RPS6KA2: variants seen among roughly 807,000 people sequenced by gnomAD.
RPS6KA2 encodes the protein ribosomal protein S6 kinase A2, also known as ribosomal protein S6 kinase alpha-2.
Under a neutral mutation model 91.8 loss-of-function variants are expected in RPS6KA2, and 42 were observed. The ratio of observed to expected loss-of-function variants is 0.46; its 90% CI spans 0.36 to 0.59. The LOEUF (loss-of-function observed/expected upper bound fraction) is 0.59. Ranked by LOEUF, RPS6KA2 falls within the 20% of genes least tolerant of loss-of-function variation. The pLI is 0.00. For missense variants in RPS6KA2, 798 were observed against 978.5 expected, an observed-to-expected ratio of 0.82 and a Z score of 2.46; for synonymous variants, 414 against 393.6, an observed-to-expected ratio of 1.05 and a Z score of -0.61.
At chr6:166,774,440 G>A (rs912772879) in intron 2 of RPS6KA2, among the ~76,000 whole-genome samples, 2 of 152,138 alleles carry the variant, frequency 1.3e-5, no homozygotes, top group Admixed American at 6.5e-5. Context: ...TTTACCCAGC[G>A]AGCGTCCCGG....
At chr6:166,845,976 GA>G (rs1291152467) in intron 2 of RPS6KA2, among the ~76,000 whole-genome samples, 7 of 151,638 alleles carry the variant, frequency 4.6e-5, no homozygotes, top group Non-Finnish European at 1.0e-4. Context: ...GATTAACCAA[GA>G]AAAAAAGAGA....
intron 2 of RPS6KA2, among the ~76,000 whole-genome samples, chr6:166,710,817 T>C (rs1300303016): frequency 6.6e-6 from 1 of 152,134 alleles, no homozygotes; most frequent in African/African-American, 2.4e-5. Context: ...CTTTGCCTCA[T>C]GTGTACTAGA....
At chr6:166,844,774 C>T (rs889228381) in intron 2 of RPS6KA2, among the ~76,000 whole-genome samples, 3 of 152,214 alleles carry the variant, frequency 2.0e-5, no homozygotes, top group Admixed American at 6.5e-5. Context: ...AGAAGGAGCC[C>T]TAAATCTTGA....
chr6:166,653,092 G>GAAC (rs1360372917), intron 2 of RPS6KA2, among the ~76,000 whole-genome samples: 1 of 152,160 alleles, frequency 6.6e-6, no homozygotes, highest in Non-Finnish European at 1.5e-5. Context: ...AGGGAGTCTC[G>GAAC]TTCTGTCTCC....
At chr6:166,820,192 C>T (rs796370805) in intron 2 of RPS6KA2, among the ~76,000 whole-genome samples, 29 of 152,306 alleles carry the variant, frequency 1.9e-4, no homozygotes, top group African/African-American at 6.3e-4. Context: ...TTCCCTTAAG[C>T]TCTGAGCCCA....
chr6:166,516,956 G>A (rs980513556), intron 3 of RPS6KA2, among the ~76,000 whole-genome samples: 7 of 152,186 alleles, frequency 4.6e-5, no homozygotes, highest in Admixed American at 6.5e-5. Flanking sequence ...TGATGTTATT[G>A]AATTCACATC....
intron 2 of RPS6KA2, among the ~76,000 whole-genome samples, chr6:166,722,316 G>A (rs542613745): frequency 1.4e-4 from 21 of 152,192 alleles, no homozygotes; most frequent in Non-Finnish European, 3.1e-4. Flanking sequence ...AAGACGCTTA[G>A]AGTGGAAAAG....
chr6:166,779,875 C>A (rs1778722464), intron 2 of RPS6KA2, among the ~76,000 whole-genome samples: 1 of 152,186 alleles, frequency 6.6e-6, no homozygotes, highest in African/African-American at 2.4e-5. Context: ...CCAAGTCCCT[C>A]AGCTCGCTAG....
chr6:166,760,628 C>A (rs564377527), intron 2 of RPS6KA2, among the ~76,000 whole-genome samples: 1,825 of 152,322 alleles, frequency 0.012, 43 homozygotes, highest in African/African-American at 0.04. Flanking sequence ...AAATGCTCAT[C>A]TTTCCTGCAC....
intron 3 of RPS6KA2, among the ~76,000 whole-genome samples, chr6:166,525,508 A>G (rs1371337465): frequency 6.6e-6 from 1 of 152,122 alleles, no homozygotes; most frequent in Non-Finnish European, 1.5e-5. Flanking sequence ...CAACGCTCCA[A>G]ACTTGTTTGG....
In RPS6KA2 at chr6:166,770,235, A is replaced by G. The variant is rs758169495; in HGVS notation, c.123+87965T>C. Among the ~76,000 whole-genome samples the G allele has an allele frequency of 6.6e-6, 1 of 152,238 alleles. No individual in the cohort carries two copies. Among genetic ancestry groups the G allele is most frequent in the Non-Finnish European group, 1.5e-5 (1 of 68,038 alleles). On this transcript the variant is annotated intron_variant, in intron 2 of 21. Coordinates refer to the RPS6KA2 transcript ENST00000503859. The surrounding 1 kb of genome is among the most constrained non-coding windows in gnomAD (Gnocchi z 5.1). The stretch of plus-strand genomic sequence containing the variant: ...GCAGCCCAAAGCATTGAAAACAGCT[A>G]TTAAACTATCTTTAAAAATGTCTTA...
chr6:166,680,408 A>G (rs1289776049), intron 2 of RPS6KA2, among the ~76,000 whole-genome samples: 1 of 152,212 alleles, frequency 6.6e-6, no homozygotes, highest in South Asian at 2.1e-4. Context: ...AGGGAATAAA[A>G]GCAGGCCGCC....
chr6:166,478,048 A>G (rs1383374970), intron 10 of RPS6KA2, among the ~76,000 whole-genome samples: 2 of 152,148 alleles, frequency 1.3e-5, no homozygotes, highest in African/African-American at 4.8e-5. Flanking sequence ...TCTGACTCCA[A>G]TTCGCATTTC....
chr6:166,492,183 A>G (rs1001432632), intron 8 of RPS6KA2, among the ~76,000 whole-genome samples: 2 of 152,214 alleles, frequency 1.3e-5, no homozygotes, highest in African/African-American at 4.8e-5. Context: ...CTCTTCCACC[A>G]GTTCTGACGT....
At chr6:166,534,486 A>C (rs1783417892) in intron 2 of RPS6KA2, among the ~76,000 whole-genome samples, 1 of 152,174 alleles carries the variant, frequency 6.6e-6, no homozygotes, top group African/African-American at 2.4e-5. Flanking sequence ...ATACCTCTGC[A>C]CTCAACCCCT....
At chr6:166,808,583 T>G (rs1779551708) in intron 2 of RPS6KA2, among the ~76,000 whole-genome samples, 1 of 152,212 alleles carries the variant, frequency 6.6e-6, no homozygotes, top group Admixed American at 6.5e-5. Context: ...TCTTACGTAT[T>G]GAATCAGATG....
At chr6:166,582,698 C>G (rs771539983) in intron 1 of RPS6KA2, among the ~76,000 whole-genome samples, 1 of 152,120 alleles carries the variant, frequency 6.6e-6, no homozygotes, top group Non-Finnish European at 1.5e-5. Flanking sequence ...TTCCATTATT[C>G]AAGAGGTTAG....
intron 6 of RPS6KA2, 46 bp downstream of exon 6, chr6:166,504,460 G>T (rs1782126894): frequency 8.9e-7 from 1 of 1,127,338 alleles, no homozygotes; most frequent in Non-Finnish European, 1.3e-6. Flanking sequence ...AAAATACATG[G>T]AGCTGATGGG....
At chr6:166,680,685 G>A (rs968848659) in intron 2 of RPS6KA2, among the ~76,000 whole-genome samples, 3 of 152,162 alleles carry the variant, frequency 2.0e-5, no homozygotes, top group African/African-American at 4.8e-5. Context: ...TAAAGTCAGC[G>A]AGACCATGAA....
Sources: gnomAD v4.1 joint callset for allele counts (sites outside exome capture counted in the v4.1 genomes callset) on GRCh38, gnomAD v4.1.1 for gene constraint, Gnocchi (gnomAD v3.1) non-coding constraint, MANE v1.5 for transcripts, NCBI Gene and HGNC (gene_info 2026-07-23, HGNC 2026-07-21) for gene names.